CSMD1: variants seen among roughly 807,000 people sequenced by gnomAD.
CSMD1 encodes CUB and Sushi multiple domains 1, also known as CUB and sushi domain-containing protein 1.
CSMD1 carries 213 observed loss-of-function variants against 417.5 expected under a neutral mutation model. The observed-to-expected ratio is 0.51, with a 90% CI of 0.46 to 0.57. CSMD1 has a LOEUF of 0.57. CSMD1 is among the 20% of genes least tolerant of loss of function. The probability of loss-of-function intolerance (pLI) is 0.00; values close to 1 mark genes in which losing one functional copy is unlikely to be tolerated. For missense variants in CSMD1, 6,923 were observed against 4,529.7 expected, an observed-to-expected ratio of 1.53 and a Z score of -15.17; for synonymous variants, 2,862 against 1,736.8, an observed-to-expected ratio of 1.65 and a Z score of -16.11.
intron 6 of CSMD1, among the ~76,000 whole-genome samples, chr8:3,712,494 C>A (rs1194750092): frequency 6.6e-6 from 1 of 151,900 alleles, no homozygotes; most frequent in Non-Finnish European, 1.5e-5. Flanking sequence ...GGTAAGTCAC[C>A]TATGGCAAAT....
chr8:4,164,657 C>A (rs1282903013), intron 3 of CSMD1, among the ~76,000 whole-genome samples: 1 of 151,956 alleles, frequency 6.6e-6, no homozygotes, highest in Non-Finnish European at 1.5e-5. Flanking sequence ...ACACAAGACA[C>A]GATTGAATTT....
At chr8:3,385,868 G>T (rs147951346) in intron 18 of CSMD1, among the ~76,000 whole-genome samples, 1 of 152,054 alleles carries the variant, frequency 6.6e-6, no homozygotes, top group East Asian at 1.9e-4. Context: ...AAATGCCAGG[G>T]CTGGGTATGC....
chr8:3,091,247 T>C (rs972580587), intron 48 of CSMD1, among the ~76,000 whole-genome samples: 13 of 152,080 alleles, frequency 8.5e-5, no homozygotes, highest in African/African-American at 3.1e-4. Flanking sequence ...TATTAGTTTA[T>C]CTTTTGGAAA....
intron 1 of CSMD1, among the ~76,000 whole-genome samples, chr8:4,870,967 G>A (rs1397073785): frequency 3.3e-5 from 5 of 152,076 alleles, no homozygotes; most frequent in South Asian, 2.1e-4. Flanking sequence ...GTGCTGAGAA[G>A]AGTCAGGGAC....
Position 4,032,002 on chromosome 8 carries a change from G to A in CSMD1, c.513C>T (p.Cys171=), listed in dbSNP as rs764447349. 10 of 1,613,980 alleles carry A rather than the reference G, an allele frequency of 6.2e-6. No homozygotes were observed. The highest frequency in any genetic ancestry group is 7.6e-6 in the Non-Finnish European group (9 of 1,179,880). ...FNIGDKIRYS[C]LPGYILEGHA... ...GGCCTTCCAAGATGTAGCCAGGGAGGCAGCTGTACCGGATTTTGTCTCCTA... is the reference window on the plus strand; with the variant it reads ...GGCCTTCCAAGATGTAGCCAGGGAGACAGCTGTACCGGATTTTGTCTCCTA... The change falls in exon 4 of 70, where the codon TGC becomes TGT. Residue 171 remains cysteine, a synonymous_variant. Transcript: ENST00000635120.
chr8:3,827,814 C>G (rs1042912998), intron 5 of CSMD1, among the ~76,000 whole-genome samples: 2 of 152,174 alleles, frequency 1.3e-5, no homozygotes, highest in Non-Finnish European at 2.9e-5. Flanking sequence ...AAATATGACA[C>G]TGTAAAAGTC....
At chr8:4,342,141 T>A (rs6995552) in intron 3 of CSMD1, among the ~76,000 whole-genome samples, 127,372 of 151,944 alleles carry the variant, frequency 0.84, 53,616 homozygotes, top group African/African-American at 0.9. Context: ...AAGAAGCCAA[T>A]CTAAGACTGT....
chr8:4,029,013 A>T (rs1251889387), intron 4 of CSMD1, among the ~76,000 whole-genome samples: 1 of 152,212 alleles, frequency 6.6e-6, no homozygotes, highest in East Asian at 1.9e-4. Context: ...TGACAACGGC[A>T]CTTGGGAGAG....
At chr8:4,283,229 C>A (rs963953078) in intron 3 of CSMD1, among the ~76,000 whole-genome samples, 1 of 152,034 alleles carries the variant, frequency 6.6e-6, no homozygotes, top group East Asian at 1.9e-4. Flanking sequence ...TTTAAAGTAT[C>A]CACTATCCTT....
chr8:4,308,900 T>C (rs1374338514), intron 3 of CSMD1, among the ~76,000 whole-genome samples: 1 of 152,148 alleles, frequency 6.6e-6, no homozygotes, highest in Non-Finnish European at 1.5e-5. Context: ...TTTAAAATAC[T>C]CAGAAAATAT....
At chr8:4,695,560 G>T (rs1255677575) in intron 1 of CSMD1, among the ~76,000 whole-genome samples, 1 of 152,060 alleles carries the variant, frequency 6.6e-6, no homozygotes, top group Non-Finnish European at 1.5e-5. Flanking sequence ...AAATGAAGAG[G>T]AAGATACAGA....
intron 6 of CSMD1, among the ~76,000 whole-genome samples, chr8:3,723,703 C>A (rs1027595383): frequency 1.3e-5 from 2 of 152,096 alleles, no homozygotes; most frequent in African/African-American, 4.8e-5. Context: ...GATATTAACA[C>A]GTGTGCTTTT....
At chr8:4,059,739 C>A (rs1798874608) in intron 3 of CSMD1, among the ~76,000 whole-genome samples, 1 of 152,014 alleles carries the variant, frequency 6.6e-6, no homozygotes, top group African/African-American at 2.4e-5. Flanking sequence ...CAAGACTAAA[C>A]CAGGAAGAAG....
chr8:3,490,308 C>T (rs929975716), intron 11 of CSMD1, among the ~76,000 whole-genome samples: 2 of 152,112 alleles, frequency 1.3e-5, no homozygotes, highest in Non-Finnish European at 2.9e-5. Flanking sequence ...GCGCTAATAA[C>T]ACTTCTGTCA....
chr8:3,399,664 C>CAAAG, intron 15 of CSMD1, 135 bp from the exon 16 acceptor site: 1 of 626,912 alleles, frequency 1.6e-6, no homozygotes, highest in South Asian at 3.3e-5. Context: ...AAATCTTATT[C>CAAAG]CCAAGGAAAC....
chr8:4,174,699 G>C (rs1014676308), intron 3 of CSMD1, among the ~76,000 whole-genome samples: 1 of 107,322 alleles, frequency 9.3e-6, no homozygotes, highest in African/African-American at 4.0e-5. Flanking sequence ...AAGGTGTCTA[G>C]AACACTGAAG....
At chr8:4,233,434 G>A (rs141185940) in intron 3 of CSMD1, among the ~76,000 whole-genome samples, 54 of 152,306 alleles carry the variant, frequency 3.5e-4, no homozygotes, top group South Asian at 3.5e-3. Context: ...GACCCCGAAT[G>A]TGATGGTATT....
intron 2 of CSMD1, among the ~76,000 whole-genome samples, chr8:4,439,732 G>C (rs1484065112): frequency 6.6e-6 from 1 of 152,120 alleles, no homozygotes. Context: ...TAAGTAAATA[G>C]AGAACATAAA....
At chr8:4,489,246 T>C (rs953088157) in intron 2 of CSMD1, among the ~76,000 whole-genome samples, 2 of 152,204 alleles carry the variant, frequency 1.3e-5, no homozygotes, top group Non-Finnish European at 2.9e-5. Context: ...CTACTTAAGG[T>C]GCCCTCCTTT....
Sources: allele counts gnomAD v4.1 joint callset (sites outside exome capture counted in the v4.1 genomes callset), GRCh38; gene constraint gnomAD v4.1.1; transcripts MANE v1.5; gene names NCBI Gene and HGNC (gene_info 2026-07-23, HGNC 2026-07-21).